The following CCDC191 variants were observed in gnomAD, a reference collection of about 807,000 sequenced individuals.
CCDC191 encodes coiled-coil domain containing 191.
Under a neutral mutation model 114.0 loss-of-function variants are expected in CCDC191, and 99 were observed. The observed-to-expected ratio is 0.87, with a 90% CI of 0.74 to 1.03. The LOEUF (loss-of-function observed/expected upper bound fraction) is 1.03. CCDC191 is among the 50% of genes least tolerant of loss of function. The pLI is 0.00. For missense variants in CCDC191, 973 were observed against 1,087.0 expected (o/e 0.90, Z 1.47); for synonymous variants, 351 against 376.0 (o/e 0.93, Z 0.77).
At chr3:114,056,566 C>G (rs780024395), upstream of CCDC191, 4 of 1,603,400 alleles carry the variant, frequency 2.5e-6, no homozygotes, top group Non-Finnish European at 3.4e-6. Flanking sequence ...CCTCCGCCCG[C>G]AAGGAAAGCA....
chr3:113,994,284 A>C (rs1360544509), intron 13 of CCDC191, among the ~76,000 whole-genome samples: 3 of 152,254 alleles, frequency 2.0e-5, no homozygotes, highest in Non-Finnish European at 2.9e-5. Context: ...TAAAGATATG[A>C]AAGGATTCTT....
chr3:114,056,054 GAGA>G (rs2076772760), intron 1 of CCDC191, among the ~76,000 whole-genome samples: 1 of 151,668 alleles, frequency 6.6e-6, no homozygotes, highest in African/African-American at 2.4e-5. Flanking sequence ...AGAAATGTGC[GAGA>G]AGTTTCCTAA....
intron 6 of CCDC191, 36 bp from the exon 7 acceptor site, chr3:114,031,815 C>A: frequency 2.1e-6 from 2 of 935,186 alleles, no homozygotes; most frequent in Non-Finnish European, 3.3e-6. Flanking sequence ...TGTATATTTA[C>A]AATAGATTTA....
In CCDC191 at chr3:113,965,257, T is replaced by C. The variant is rs1011396828; in HGVS notation, c.2709A>G (p.Val903=). ...CCTGGAAGTCTGGAAGAATTTCAACTACCTTCCTACGAAGTTGCTGTCGCC... is the reference window on the plus strand; with the variant it reads ...CCTGGAAGTCTGGAAGAATTTCAACCACCTTCCTACGAAGTTGCTGTCGCC... ...EERRQQLRRK[V]VEILPDFQVP... Residue 903 remains valine (V), a synonymous_variant, in exon 17 of 17, where the codon GTA becomes GTG. Transcript: ENST00000295878. 1.2e-6 allele frequency: 2 copies of C among 1,611,454 alleles called. No homozygotes were observed. Among genetic ancestry groups the C allele is most frequent in the Non-Finnish European group, 1.7e-6 (2 of 1,178,660 alleles).
intron 14 of CCDC191, 62 bp downstream of exon 14, chr3:113,980,588 G>A: frequency 6.9e-7 from 1 of 1,441,626 alleles, no homozygotes; most frequent in Non-Finnish European, 9.2e-7. Flanking sequence ...GCTTAACTGG[G>A]CATCCATCCT....
At chr3:113,995,033 G>C (rs997409323) in intron 13 of CCDC191, among the ~76,000 whole-genome samples, 5 of 152,162 alleles carry the variant, frequency 3.3e-5, no homozygotes, top group African/African-American at 9.7e-5. Context: ...TGATAAAAAG[G>C]ACCGAGCTTT....
chr3:114,029,177 T>C (rs1331971315), intron 7 of CCDC191, among the ~76,000 whole-genome samples: 1 of 152,062 alleles, frequency 6.6e-6, no homozygotes, highest in Non-Finnish European at 1.5e-5. Context: ...AAGTATCTTG[T>C]GGTGCCAACA....
chr3:114,046,496 C>G, intron 3 of CCDC191, 95 bp downstream of exon 3: 1 of 801,190 alleles, frequency 1.2e-6, no homozygotes. Context: ...AAATTAAGAA[C>G]AAGAGTAAGA....
Position 114,031,693 on chromosome 3 carries a change from T to C in CCDC191, c.905A>G (p.Lys302Arg). ...TTTCCTTTTTCTTTCCTTCACCATT[T>C]TTTCCTCATCTGGAAGAATGTGAGT... ...QSTHILPDEE[K>R]MVKERKRKLK... Residue 302 changes from lysine (K) to arginine (R), a missense_variant, in exon 7 of 17, where the codon AAA becomes AGA. Physicochemically the swap from Lys to Arg is conservative, Grantham distance 26. Coordinates refer to ENST00000295878, the MANE Select transcript of CCDC191 (RefSeq NM_020817.2). 6.3e-7 allele frequency: 1 copy of C among 1,596,732 alleles called. No homozygotes were observed. The highest frequency in any genetic ancestry group is 8.6e-7 in the Non-Finnish European group (1 of 1,164,454).
rs768591952 is a variant in CCDC191, at chr3:114,010,897, T to C, written c.1288A>G (p.Arg430Gly). Reference protein sequence around the residue: ...RELALTKEETRKKMDALLQAA... With the variant: ...RELALTKEETGKKMDALLQAA... The stretch of plus-strand genomic sequence containing the variant: ...TGCAGCAGTGCATCCATCTTCTTCC[T>C]AGTTTCCTCTTTTGTGAGAGCCAGC... Residue 430 changes from arginine to glycine, a missense_variant, in exon 9 of 17, where the codon AGG (arginine) becomes GGG (glycine). By Grantham distance (125) the Arg-to-Gly change is moderately radical. Transcript: ENST00000295878. 18 of 1,614,134 alleles carry C rather than the reference T, an allele frequency of 1.1e-5. No individual in the cohort carries two copies. In the South Asian group the frequency reaches 1.5e-4, roughly 14 times the overall value.
chr3:114,004,517 G>C (rs781100402), intron 11 of CCDC191, 120 bp downstream of exon 11: 2 of 1,468,792 alleles, frequency 1.4e-6, no homozygotes, highest in Non-Finnish European at 9.0e-7. Flanking sequence ...TGAGATTTTT[G>C]ATGTCAGGTT....
upstream of CCDC191, chr3:114,056,577 G>C (rs779632401): frequency 6.3e-7 from 1 of 1,599,436 alleles, no homozygotes; most frequent in Non-Finnish European, 8.5e-7. Flanking sequence ...AAGGAAAGCA[G>C]GCATAGGACA....
At chr3:114,053,747 C>T (rs922633245) in intron 1 of CCDC191, 112 bp from the exon 2 acceptor site, 3 of 590,848 alleles carry the variant, frequency 5.1e-6, no homozygotes, top group Non-Finnish European at 5.8e-6. Flanking sequence ...TATTATTTCC[C>T]CAAAGCATTT....
At chr3:114,045,259 C>G (rs2076613614) in intron 3 of CCDC191, among the ~76,000 whole-genome samples, 1 of 152,128 alleles carries the variant, frequency 6.6e-6, no homozygotes, top group African/African-American at 2.4e-5. Context: ...TACTATCAAC[C>G]ACTCTAAACC....
chr3:114,055,328 T>C (rs1393925766), intron 1 of CCDC191, among the ~76,000 whole-genome samples: 1 of 152,222 alleles, frequency 6.6e-6, no homozygotes, highest in East Asian at 1.9e-4. Context: ...CCTTTCATCA[T>C]CAAGTCCATA....
Position 114,005,739 on chromosome 3 carries a change from G to C in CCDC191, c.1637C>G (p.Pro546Arg). ...TLRTTSQKAE[P>R]LCLGHFHNRH... ...GTTGTGGAAATGACCCAAGCAAAGCGGTTCTGCTTTCTGGCTGGTAGTTCT... is the reference window on the plus strand; with the variant it reads ...GTTGTGGAAATGACCCAAGCAAAGCCGTTCTGCTTTCTGGCTGGTAGTTCT... The change falls in exon 10 of 17, where the codon CCG (proline) becomes CGG (arginine). Residue 546 changes from proline (P) to arginine (R), a missense_variant. Physicochemically the swap from Pro to Arg is moderately radical, Grantham distance 103. Coordinates refer to ENST00000295878, the MANE Select transcript of CCDC191 (RefSeq NM_020817.2). The C allele has an allele frequency of 6.2e-7, 1 of 1,614,100 alleles. No individual in the cohort carries two copies. The highest frequency in any genetic ancestry group is 1.7e-5 in the Admixed American group (1 of 60,008).
intron 16 of CCDC191, among the ~76,000 whole-genome samples, chr3:113,967,864 T>C: frequency 6.6e-6 from 1 of 152,172 alleles, no homozygotes; most frequent in East Asian, 1.9e-4. Flanking sequence ...ATTTTTTAGC[T>C]CTCCCACATG....
intron 7 of CCDC191, among the ~76,000 whole-genome samples, chr3:114,029,367 A>G (rs2076372094): frequency 6.6e-6 from 1 of 152,188 alleles, no homozygotes; most frequent in Non-Finnish European, 1.5e-5. Context: ...AAAATAAACA[A>G]TTGCATAAAT....
chr3:113,970,264 G>A (rs540401553), intron 16 of CCDC191, among the ~76,000 whole-genome samples: 1 of 152,204 alleles, frequency 6.6e-6, no homozygotes, highest in African/African-American at 2.4e-5. Flanking sequence ...GAGTCTTTAG[G>A]TTTTTCTAAG....
Sources: allele counts gnomAD v4.1 joint callset (sites outside exome capture counted in the v4.1 genomes callset), GRCh38; gene constraint gnomAD v4.1.1; transcripts MANE v1.5; gene names NCBI Gene and HGNC (gene_info 2026-07-23, HGNC 2026-07-21).